TSPAN9: variants seen among roughly 807,000 people sequenced by gnomAD.
The protein encoded by TSPAN9 is tetraspanin-9.
Under a neutral mutation model 31.0 loss-of-function variants are expected in TSPAN9, and 16 were observed. The observed-to-expected ratio is 0.52, with a 90% confidence interval of 0.35 to 0.78. TSPAN9 has a LOEUF of 0.78. TSPAN9 is among the 30% of genes least tolerant of loss of function. The probability of loss-of-function intolerance (pLI) is 0.01; values close to 1 mark genes in which losing one functional copy is unlikely to be tolerated. For synonymous variants in TSPAN9, 145 were observed against 121.6 expected, an observed-to-expected ratio of 1.19 and a Z score of -1.27; for missense variants, 272 against 312.5, an observed-to-expected ratio of 0.87 and a Z score of 0.98.
intron 2 of TSPAN9, among the ~76,000 whole-genome samples, chr12:3,134,054 C>T (rs1461127104): frequency 2.0e-5 from 3 of 152,116 alleles, no homozygotes; most frequent in Non-Finnish European, 4.4e-5. Context: ...TAAGGGTTGC[C>T]GTCCCGATCT....
chr12:3,168,431 A>G lies in TSPAN9; in HGVS notation c.-17-32746A>G, dbSNP rs1225359743. Among the ~76,000 whole-genome samples the G allele has an allele frequency of 1.3e-5, 2 of 152,206 alleles. No homozygotes were observed. The highest frequency in any genetic ancestry group is 4.8e-5 in the African/African-American group (2 of 41,454). ...GTGAACAAGAACTGGGCCTGTCTGCAGCTGCTCAGCGTCAAGCACACAGGA... is the reference window on the plus strand; with the variant it reads ...GTGAACAAGAACTGGGCCTGTCTGCGGCTGCTCAGCGTCAAGCACACAGGA... On this transcript the variant is annotated intron_variant, in intron 2 of 8. Transcript: ENST00000011898. The surrounding 1 kb of genome is among the most constrained non-coding windows in gnomAD (Gnocchi z 4.0).
chr12:3,260,581 G>A (rs113362590), intron 3 of TSPAN9, among the ~76,000 whole-genome samples: 41 of 152,320 alleles, frequency 2.7e-4, no homozygotes, highest in African/African-American at 7.9e-4. Context: ...CCTACTCTAC[G>A]CGAGGCACCG....
In TSPAN9 at chr12:3,147,756, C is replaced by T. The variant is rs1380135254; in HGVS notation, c.-17-53421C>T. 6.6e-6 allele frequency among the ~76,000 whole-genome samples: 1 copy of T among 152,206 alleles called. No homozygotes were observed. The highest frequency in any genetic ancestry group is 6.5e-5 in the Admixed American group (1 of 15,288). On this transcript the variant is annotated intron_variant, in intron 2 of 8. Coordinates refer to ENST00000011898, the MANE Select transcript of TSPAN9 (RefSeq NM_006675.5). This position sits in a 1 kb window ranked among gnomAD's most constrained non-coding sequence, Gnocchi z 4.3. ...GGCCACATGTTGCTAGTGGCTGCCA[C>T]GTCGGACGGTACTGTTCTAGACCAG...
chr12:3,147,286 G>C lies in TSPAN9; in HGVS notation c.-17-53891G>C, dbSNP rs1033212097. The stretch of plus-strand genomic sequence containing the variant: ...GTCCCTGCCCTGGGATGAGGAGCCC[G>C]CCAGGGGCTGGAGAGAATGACAGGC... On this transcript the variant is annotated intron_variant, in intron 2 of 8. Coordinates refer to ENST00000011898, the MANE Select transcript of TSPAN9 (RefSeq NM_006675.5). This position sits in a 1 kb window ranked among gnomAD's most constrained non-coding sequence, Gnocchi z 4.3. 1.3e-5 allele frequency among the ~76,000 whole-genome samples: 2 copies of C among 152,130 alleles called. No individual in the cohort carries two copies. Among genetic ancestry groups the C allele is most frequent in the Non-Finnish European group, 2.9e-5 (2 of 68,020 alleles).
At position 3,182,641 on chromosome 12, in the gene TSPAN9, T is replaced by G. The variant is rs547428102; in HGVS notation, c.-17-18536T>G. ...AACTGGCACCCCATTCTCTTGCAGC[T>G]GACAGGTCTGTCCGCAAAGAGAGAC... On this transcript the variant is annotated intron_variant, in intron 2 of 8. Coordinates refer to ENST00000011898, the MANE Select transcript of TSPAN9 (RefSeq NM_006675.5). 3.9e-4 allele frequency among the ~76,000 whole-genome samples: 60 copies of G among 152,308 alleles called. No homozygotes were observed. The South Asian group carries it at 8.5e-3, about 22-fold the overall frequency.
At position 3,280,373 on chromosome 12, in the gene TSPAN9, G is replaced by A. The variant is rs763481991; in HGVS notation, c.331-9G>A. On this transcript the variant is annotated splice_polypyrimidine_tract_variant and intron_variant, in intron 5 of 8. Transcript: ENST00000011898. This position sits in a 1 kb window ranked among gnomAD's most constrained non-coding sequence, Gnocchi z 4.5. ...TCCAACCGTCTCACTGTGTCCCTCC[G>A]CCTGGCAGGTGAACGAGAACGCCAA... The A allele has an allele frequency of 2.7e-5, 44 of 1,607,064 alleles. No individual in the cohort carries two copies. Among genetic ancestry groups the A allele is most frequent in the African/African-American group, 1.9e-4 (14 of 74,836 alleles).
In TSPAN9 at chr12:3,118,256, G is replaced by GTTTTTTTTT. The variant is rs72307230; in HGVS notation, c.-18+34553_-18+34561dup. Among the ~76,000 whole-genome samples the GTTTTTTTTT allele has an allele frequency of 4.1e-3, 129 of 31,554 alleles. 32 individuals are homozygous for GTTTTTTTTT. The highest frequency in any genetic ancestry group is 0.012 in the South Asian group (4 of 324). 20.7% of individuals were successfully genotyped at this position (31,554 alleles called of 152,430 possible). A position where few individuals can be genotyped will look rare whatever the true frequency, so the allele number is the denominator to read the frequency against. On this transcript the variant is annotated intron_variant, in intron 2 of 8. Transcript: ENST00000011898. ...ATTCCGCACCGCCCCTGCACCCGCC[G>GTTTTTTTTT]TTTTTTTTTTTTTTTTTTTTTTTTG...
Position 3,263,820 on chromosome 12 carries a change from A to T in TSPAN9, c.64-14601A>T, listed in dbSNP as rs140289756. 5.4e-3 allele frequency among the ~76,000 whole-genome samples: 821 copies of T among 152,200 alleles called. 13 individuals carry two copies. Among genetic ancestry groups the T allele is most frequent in the African/African-American group, 0.019 (771 of 41,530 alleles). ...GGGTGAGGGAGGATTGTGAGCCTGG[A>T]GGAAGAGGTGGGGCTTCAGCTGGGC... On this transcript the variant is annotated intron_variant, in intron 3 of 8. Transcript: ENST00000011898.
At chr12:3,262,844 C>G (rs915045861) in intron 3 of TSPAN9, among the ~76,000 whole-genome samples, 2 of 152,204 alleles carry the variant, frequency 1.3e-5, no homozygotes, top group Non-Finnish European at 2.9e-5. Context: ...CATCTCCTCC[C>G]TTGTATTTAA....
intron 2 of TSPAN9, among the ~76,000 whole-genome samples, chr12:3,164,145 G>A (rs148348933): frequency 4.6e-5 from 7 of 152,322 alleles, no homozygotes; most frequent in Admixed American, 1.3e-4. Context: ...GGAAGGAAAC[G>A]GTGGCCTGCT....
intron 2 of TSPAN9, among the ~76,000 whole-genome samples, chr12:3,094,535 GTTGTTT>G (rs1431161256): frequency 5.0e-5 from 7 of 140,424 alleles, no homozygotes; most frequent in Non-Finnish European, 8.0e-5. Flanking sequence ...TGTTGTTGTT[GTTGTTT>G]TTTTTTTTTT....
At chr12:3,232,752 C>T (rs2098391436) in intron 3 of TSPAN9, among the ~76,000 whole-genome samples, 2 of 152,162 alleles carry the variant, frequency 1.3e-5, no homozygotes, top group African/African-American at 4.8e-5. Context: ...CTGGCGCAGC[C>T]CTGGCTCTCC....
At chr12:3,230,633 C>T (rs905011442) in intron 3 of TSPAN9, among the ~76,000 whole-genome samples, 1 of 152,126 alleles carries the variant, frequency 6.6e-6, no homozygotes, top group Non-Finnish European at 1.5e-5. Flanking sequence ...GTTTCCTCAG[C>T]CCCTGGAGAC....
At chr12:3,198,981 G>T (rs4766069) in intron 2 of TSPAN9, among the ~76,000 whole-genome samples, 32,275 of 152,222 alleles carry the variant, frequency 0.21, 3,883 homozygotes, top group Middle Eastern at 0.32. Context: ...CATGCCTGTT[G>T]TGGTAGCTCT....
At chr12:3,261,144 G>A (rs993100365) in intron 3 of TSPAN9, among the ~76,000 whole-genome samples, 3 of 152,180 alleles carry the variant, frequency 2.0e-5, no homozygotes, top group Admixed American at 2.0e-4. Context: ...GTGGCTGCAG[G>A]AGATTTGCGG....
chr12:3,245,501 A>G (rs1379629405), intron 3 of TSPAN9, among the ~76,000 whole-genome samples: 1 of 152,198 alleles, frequency 6.6e-6, no homozygotes, highest in Admixed American at 6.5e-5. Flanking sequence ...AGGCGGGGGC[A>G]AAGTTTCCCC....
At chr12:3,205,725 C>CCA (rs1485109328) in intron 3 of TSPAN9, among the ~76,000 whole-genome samples, 1 of 102,198 alleles carries the variant, frequency 9.8e-6, no homozygotes, top group Non-Finnish European at 2.3e-5. Flanking sequence ...TAGGCCCCCC[C>CCA]CCCCCAGAGT....
At chr12:3,174,637 C>T (rs1202818459) in intron 2 of TSPAN9, among the ~76,000 whole-genome samples, 1 of 152,106 alleles carries the variant, frequency 6.6e-6, no homozygotes, top group Non-Finnish European at 1.5e-5. Flanking sequence ...GGCTGGAGGG[C>T]AGTGGCGCGA....
At chr12:3,082,643 G>A (rs3782829) in intron 1 of TSPAN9, among the ~76,000 whole-genome samples, 61,937 of 151,836 alleles carry the variant, frequency 0.41, 14,598 homozygotes, top group African/African-American at 0.66. Context: ...ACTTGTGAGG[G>A]ATGGTGAGGA....
Sources: gnomAD v4.1 joint callset for allele counts (sites outside exome capture counted in the v4.1 genomes callset) on GRCh38, gnomAD v4.1.1 for gene constraint, Gnocchi (gnomAD v3.1) non-coding constraint, MANE v1.5 for transcripts, NCBI Gene and HGNC (gene_info 2026-07-23, HGNC 2026-07-21) for gene names.